The following LAMA3 variants were observed in gnomAD, a reference collection of about 807,000 sequenced individuals.
LAMA3 encodes the protein laminin subunit alpha-3.
In LAMA3, 281 loss-of-function variants were observed where a neutral mutation model predicts 402.0. That is an observed-to-expected ratio of 0.70 (90% CI 0.63 to 0.77). The LOEUF (loss-of-function observed/expected upper bound fraction) is 0.77. LAMA3 is among the 30% of genes least tolerant of loss of function. The pLI is 0.00. For synonymous variants in LAMA3, 1,431 were observed against 1,558.4 expected (o/e 0.92, Z 1.93); for missense variants, 3,840 against 4,215.5 (o/e 0.91, Z 2.47).
At chr18:23,932,544 T>A in intron 66 of LAMA3, 1 of 414,360 alleles carries the variant, frequency 2.4e-6, no homozygotes, top group Non-Finnish European at 4.5e-6. Context: ...AAAATTAACT[T>A]CAGATTATGG....
intron 73 of LAMA3, among the ~76,000 whole-genome samples, chr18:23,952,518 A>G (rs916370514): frequency 1.3e-5 from 2 of 152,258 alleles, no homozygotes; most frequent in African/African-American, 4.8e-5. Context: ...AATTTAAAAG[A>G]TAACTACATT....
intron 36 of LAMA3, among the ~76,000 whole-genome samples, chr18:23,865,696 A>G (rs1568272930): frequency 1.3e-5 from 2 of 152,142 alleles, no homozygotes; most frequent in African/African-American, 2.4e-5. Flanking sequence ...AGAGGCCCTT[A>G]GAAGACTTTG....
intron 21 of LAMA3, among the ~76,000 whole-genome samples, chr18:23,825,342 T>C (rs2144437345): frequency 1.3e-5 from 2 of 152,310 alleles, no homozygotes; most frequent in South Asian, 4.1e-4. Flanking sequence ...CTTTTCAAAA[T>C]AGAGTCCTTG....
At chr18:23,757,402 G>A (rs2061870334) in intron 6 of LAMA3, among the ~76,000 whole-genome samples, 1 of 151,750 alleles carries the variant, frequency 6.6e-6, no homozygotes, top group South Asian at 2.1e-4. Flanking sequence ...GGATGCAGCC[G>A]GATTCCCACC....
intron 56 of LAMA3, 99 bp downstream of exon 56, chr18:23,912,980 C>A: frequency 9.0e-7 from 1 of 1,110,410 alleles, no homozygotes; most frequent in Non-Finnish European, 1.4e-6. Context: ...GCCATTAGCA[C>A]AGCAGGCAGA....
intron 41 of LAMA3, among the ~76,000 whole-genome samples, chr18:23,885,704 C>T (rs1017663571): frequency 2.6e-5 from 4 of 152,076 alleles, no homozygotes; most frequent in African/African-American, 9.7e-5. Context: ...ATATGGTTTA[C>T]ATATTTTAAA....
intron 4 of LAMA3, 78 bp downstream of exon 4, chr18:23,749,624 AC>A: frequency 1.1e-6 from 1 of 899,090 alleles, no homozygotes; most frequent in Non-Finnish European, 1.9e-6. Context: ...TAATTGCGAA[AC>A]TTGCACTTTC....
Position 23,921,544 on chromosome 18 carries a change from C to T in LAMA3, c.8136C>T (p.Ser2712=). The T allele has an allele frequency of 6.2e-7, 1 of 1,613,620 alleles. No individual in the cohort carries two copies. Among genetic ancestry groups the T allele is most frequent in the East Asian group, 2.2e-5 (1 of 44,844 alleles). ...TIIDGEVFDF[S]TYYLGGIPIA... is the part of the protein sequence containing the mutation. ...TTGATGGTGAAGTATTTGATTTCAG[C>T]ACATATTATCTGGGAGGAATTCCAA... The change falls in exon 62 of 75, where the codon AGC becomes AGT. Residue 2712 remains serine, a synonymous_variant. Coordinates refer to ENST00000313654, the MANE Select transcript of LAMA3 (RefSeq NM_198129.4).
intron 62 of LAMA3, 76 bp downstream of exon 62, chr18:23,921,661 G>T: frequency 1.4e-6 from 2 of 1,458,736 alleles, no homozygotes; most frequent in Non-Finnish European, 9.5e-7. Flanking sequence ...AATCTGGTCT[G>T]CCATTTTTAA....
In LAMA3 at chr18:23,931,089, G is replaced by C; in HGVS notation, c.8464G>C (p.Asp2822His). The change falls in exon 65 of 75, where the codon GAT (aspartate) becomes CAT (histidine). Residue 2822 changes from aspartate to histidine, a missense_variant. Physicochemically the swap from Asp to His is moderately conservative, Grantham distance 81 (BLOSUM62 -1). Coordinates refer to ENST00000313654, the MANE Select transcript of LAMA3 (RefSeq NM_198129.4). ...AAGGAACCTGCAGGTCACTCTGGAA[G>C]ATGGTTACATTGAATTGAGCACCAG... ...WTRNLQVTLE[D>H]GYIELSTSDS... 1 of 1,613,900 alleles carries C rather than the reference G, an allele frequency of 6.2e-7. No homozygotes were observed. The highest frequency in any genetic ancestry group is 8.5e-7 in the Non-Finnish European group (1 of 1,179,748).
chr18:23,953,155 C>A (rs755615815), intron 74 of LAMA3, 46 bp downstream of exon 74: 1 of 1,610,774 alleles, frequency 6.2e-7, no homozygotes, highest in Non-Finnish European at 8.5e-7. Flanking sequence ...TGTGTCAGCT[C>A]TGAACATTCA....
intron 6 of LAMA3, among the ~76,000 whole-genome samples, chr18:23,756,935 C>CA (rs2061857778): frequency 6.8e-6 from 1 of 146,556 alleles, no homozygotes; most frequent in East Asian, 2.1e-4. Flanking sequence ...CCCCGCCCCC[C>CA]ACTCCCTTCC....
intron 8 of LAMA3, 102 bp downstream of exon 8, chr18:23,763,625 A>T (rs1032595951): frequency 4.1e-5 from 33 of 812,894 alleles, no homozygotes; most frequent in Non-Finnish European, 7.3e-5. Flanking sequence ...AGGCAATCGT[A>T]AGAGTTTTCT....
At chr18:23,846,260 C>A in intron 30 of LAMA3, 37 bp from the exon 31 acceptor site, 2 of 1,604,766 alleles carry the variant, frequency 1.2e-6, no homozygotes, top group Non-Finnish European at 8.5e-7. Flanking sequence ...ATACACACCT[C>A]CCCAGGCATC....
At position 23,933,910 on chromosome 18, in the gene LAMA3, A is replaced by C. The variant is rs2082238755; in HGVS notation, c.8837A>C (p.Lys2946Thr). ...CTTAAAGGTTCTACCAGGTTTAACA[A>C]GACCAAGACTTTTCGTATCAACCAG... ...MLLKGSTRFN[K>T]TKTFRINQLL... The change falls in exon 67 of 75, where the codon AAG (lysine) becomes ACG (threonine). Residue 2946 changes from lysine to threonine, a missense_variant. Physicochemically the swap from Lys to Thr is moderately conservative, Grantham distance 78. Coordinates refer to ENST00000313654, the MANE Select transcript of LAMA3 (RefSeq NM_198129.4). The C allele has an allele frequency of 6.2e-7, 1 of 1,614,056 alleles. No homozygotes were observed. The highest frequency in any genetic ancestry group is 8.5e-7 in the Non-Finnish European group (1 of 1,180,022).
chr18:23,926,150 A>T (rs533899981), intron 62 of LAMA3, among the ~76,000 whole-genome samples: 2 of 152,374 alleles, frequency 1.3e-5, no homozygotes, highest in South Asian at 4.1e-4. Flanking sequence ...CTTCCTGCAC[A>T]TGTATCCTAG....
intron 4 of LAMA3, among the ~76,000 whole-genome samples, chr18:23,750,587 AC>A (rs2061732246): frequency 6.6e-6 from 1 of 151,652 alleles, no homozygotes; most frequent in East Asian, 1.9e-4. Flanking sequence ...CCTTATATTT[AC>A]AGGTTTTAAC....
chr18:23,782,836 T>C (rs998283921), intron 11 of LAMA3, among the ~76,000 whole-genome samples: 18 of 151,900 alleles, frequency 1.2e-4, no homozygotes, highest in African/African-American at 4.1e-4. Flanking sequence ...TTACCTGTCT[T>C]ACAGGGCTCT....
chr18:23,941,540 A>G (rs2082521723), intron 68 of LAMA3, among the ~76,000 whole-genome samples: 1 of 152,200 alleles, frequency 6.6e-6, no homozygotes, highest in African/African-American at 2.4e-5. Flanking sequence ...GCAATCAGTT[A>G]TTTTCAGAAA....
Sources: gnomAD v4.1 joint callset for allele counts (sites outside exome capture counted in the v4.1 genomes callset) on GRCh38, gnomAD v4.1.1 for gene constraint, MANE v1.5 for transcripts, NCBI Gene and HGNC (gene_info 2026-07-23, HGNC 2026-07-21) for gene names.